Variants in TEK observed in about 807,000 individuals in gnomAD.
TEK encodes angiopoietin-1 receptor.
In TEK, 43 loss-of-function variants were observed where a neutral mutation model predicts 131.8. That is an observed-to-expected ratio of 0.33 (90% CI 0.26 to 0.42). The LOEUF is 0.42. Ranked by LOEUF, TEK falls within the 10% of genes least tolerant of loss-of-function variation. TEK has a pLI of 1.00. For missense variants in TEK, 1,162 were observed against 1,384.4 expected (o/e 0.84, Z 2.55); for synonymous variants, 580 against 491.6 (o/e 1.18, Z -2.38).
chr9:27,186,373 A>G (rs899417724), intron 9 of TEK, among the ~76,000 whole-genome samples: 4 of 152,198 alleles, frequency 2.6e-5, no homozygotes, highest in African/African-American at 9.6e-5. Flanking sequence ...GCTCTCTGGC[A>G]TATATTCTAG....
intron 21 of TEK, 103 bp from the exon 22 acceptor site, chr9:27,228,103 A>G (rs1420992574): frequency 2.2e-6 from 2 of 915,884 alleles, no homozygotes; most frequent in Non-Finnish European, 3.5e-6. Context: ...GTTAAGCTTC[A>G]TAACCATGCA....
chr9:27,212,982 A>G (rs914403465), intron 17 of TEK, 85 bp downstream of exon 17: 3 of 1,418,440 alleles, frequency 2.1e-6, no homozygotes, highest in Non-Finnish European at 2.9e-6. Flanking sequence ...GGGTCTGTCA[A>G]CCTCTCTTCT....
At chr9:27,224,467 A>G (rs1826224585) in intron 21 of TEK, among the ~76,000 whole-genome samples, 1 of 152,208 alleles carries the variant, frequency 6.6e-6, no homozygotes. Flanking sequence ...ATGCAAATCA[A>G]TAAACATAAT....
chr9:27,202,949 A>G lies in TEK; in HGVS notation c.2039A>G (p.Asn680Ser). 1 of 1,614,158 alleles carries G rather than the reference A, an allele frequency of 6.2e-7. No individual in the cohort carries two copies. Among genetic ancestry groups the G allele is most frequent in the South Asian group, 1.1e-5 (1 of 91,078 alleles). Reference protein sequence around the residue: ...ITIRYKVQGKNEDQHVDVKIK... With the variant: ...ITIRYKVQGKSEDQHVDVKIK... ...ATCCGTTACAAGGTTCAAGGCAAGAATGAAGACCAGCACGTTGATGTGAAG... is the reference window on the plus strand; with the variant it reads ...ATCCGTTACAAGGTTCAAGGCAAGAGTGAAGACCAGCACGTTGATGTGAAG... The change falls in exon 13 of 23, where the codon AAT becomes AGT. Residue 680 changes from asparagine (N) to serine (S), a missense_variant. Asn to Ser is a conservative substitution (Grantham distance 46, BLOSUM62 1). Transcript: ENST00000380036.
At chr9:27,175,520 G>A (rs532433023) in intron 6 of TEK, among the ~76,000 whole-genome samples, 93 of 152,234 alleles carry the variant, frequency 6.1e-4, no homozygotes, top group African/African-American at 2.1e-3. Context: ...GGGTGGCTGG[G>A]TAAAATGGTA....
At chr9:27,193,842 T>C (rs1280581332) in intron 11 of TEK, among the ~76,000 whole-genome samples, 3 of 152,178 alleles carry the variant, frequency 2.0e-5, no homozygotes. Context: ...TCTTGCTCTG[T>C]CACTCAAGCT....
In TEK at chr9:27,223,009, T is replaced by G. The variant is rs138938998; in HGVS notation, c.3200+2864T>G. Among the ~76,000 whole-genome samples the G allele has an allele frequency of 7.0e-4, 107 of 151,822 alleles. 1 individual carries two copies. The highest frequency in any genetic ancestry group is 2.4e-3 in the African/African-American group (99 of 41,364). On this transcript the variant is annotated intron_variant, in intron 21 of 22. Coordinates refer to ENST00000380036, the MANE Select transcript of TEK (RefSeq NM_000459.5). Reference sequence around the variant, plus strand: ...ATAAAACAGACTAAACCAACAAAGATCAAAGGAGACAAAGAAGGACATTAC... The same window carrying G: ...ATAAAACAGACTAAACCAACAAAGAGCAAAGGAGACAAAGAAGGACATTAC...
At chr9:27,171,522 G>C (rs1339169360) in intron 4 of TEK, among the ~76,000 whole-genome samples, 1 of 152,164 alleles carries the variant, frequency 6.6e-6, no homozygotes, top group Non-Finnish European at 1.5e-5. Context: ...AGAAGTATGA[G>C]AAGTGTGGTT....
At chr9:27,205,156 A>G (rs1210855935) in intron 14 of TEK, 91 bp downstream of exon 14, 2 of 1,481,832 alleles carry the variant, frequency 1.3e-6, no homozygotes, top group Non-Finnish European at 1.9e-6. Context: ...AAATTTACTT[A>G]TAAAGTAAAT....
chr9:27,229,480 A>G lies in TEK; in HGVS notation c.*248A>G. The G allele has an allele frequency of 1.9e-6, 1 of 526,750 alleles. No homozygotes were observed. The highest frequency in any genetic ancestry group is 3.4e-6 in the Non-Finnish European group (1 of 293,492). The allele number at this position is 526,750 out of a possible 1,614,324, so 32.6% of individuals were successfully genotyped here. On this transcript the variant is annotated 3_prime_UTR_variant, in exon 23 of 23. Coordinates refer to ENST00000380036, the MANE Select transcript of TEK (RefSeq NM_000459.5). ...ATGCCTGTTTGTGGTTTCATATGCA[A>G]TAATATATTTTTTTAAAAATGTGGA... is the stretch of plus-strand genomic sequence containing the variant.
chr9:27,179,203 CTCTT>C (rs1366467026), intron 6 of TEK, among the ~76,000 whole-genome samples: 3 of 152,272 alleles, frequency 2.0e-5, no homozygotes, highest in African/African-American at 7.2e-5. Flanking sequence ...AGTTTATTGA[CTCTT>C]TCTTTTGTTA....
Position 27,173,095 on chromosome 9 carries a change from A to G in TEK, c.761-127A>G, listed in dbSNP as rs1177449708. 4.4e-5 allele frequency: 56 copies of G among 1,283,690 alleles called. No individual in the cohort carries two copies. In the South Asian group the frequency reaches 6.7e-4, roughly 15 times the overall value. 79.5% of individuals were successfully genotyped at this position (1,283,690 alleles called of 1,614,324 possible). A position where few individuals can be genotyped will look rare whatever the true frequency, so the allele number is the denominator to read the frequency against. On this transcript the variant is annotated intron_variant, in intron 5 of 22. Coordinates refer to ENST00000380036, the MANE Select transcript of TEK (RefSeq NM_000459.5). The stretch of plus-strand genomic sequence containing the variant: ...TGGGCCATAAGGGTATGTTCATCCT[A>G]CCATGCCACAGCTGAGATTTGACTG...
At chr9:27,120,448 T>C (rs1190974007) in intron 1 of TEK, among the ~76,000 whole-genome samples, 1 of 152,262 alleles carries the variant, frequency 6.6e-6, no homozygotes, top group African/African-American at 2.4e-5. Flanking sequence ...GGCGAAAACA[T>C]GGCCTGAAGG....
intron 1 of TEK, among the ~76,000 whole-genome samples, chr9:27,137,831 A>G (rs1822541910): frequency 6.6e-6 from 1 of 151,852 alleles, no homozygotes; most frequent in Non-Finnish European, 1.5e-5. Flanking sequence ...TCCTGGTTGT[A>G]TTAGTTCTTT....
intron 15 of TEK, among the ~76,000 whole-genome samples, chr9:27,208,217 T>C (rs1333551333): frequency 6.6e-6 from 1 of 152,188 alleles, no homozygotes; most frequent in Non-Finnish European, 1.5e-5. Context: ...GAGGCTTCTG[T>C]AGTATGAACA....
chr9:27,141,111 T>C (rs1388639295), intron 1 of TEK, among the ~76,000 whole-genome samples: 2 of 152,176 alleles, frequency 1.3e-5, no homozygotes, highest in African/African-American at 4.8e-5. Context: ...AGTATTTGTC[T>C]TTCTATAGGT....
In TEK at chr9:27,158,094, G is replaced by A. The variant is rs760650172; in HGVS notation, c.316G>A (p.Val106Ile). Residue 106 changes from valine (V) to isoleucine (I), a missense_variant, in exon 2 of 23, where the codon GTT becomes ATT. Transcript: ENST00000380036. ...INGAYFCEGR[V>I]RGEAIRIRTM... ...TGGTGCTTATTTCTGTGAAGGGCGA[G>A]TTCGAGGAGAGGCAATCAGGATACG... The A allele has an allele frequency of 1.2e-5, 19 of 1,614,036 alleles. No individual in the cohort carries two copies. In the East Asian group the frequency reaches 1.6e-4, roughly 13 times the overall value.
chr9:27,187,032 G>C (rs1824624091), intron 9 of TEK, among the ~76,000 whole-genome samples: 1 of 152,164 alleles, frequency 6.6e-6, no homozygotes, highest in South Asian at 2.1e-4. Context: ...GTTCTTGGAA[G>C]AAAGGAAATG....
At chr9:27,148,157 G>A (rs7871110) in intron 1 of TEK, among the ~76,000 whole-genome samples, 14,932 of 152,208 alleles carry the variant, frequency 0.098, 1,120 homozygotes, top group African/African-American at 0.21. Flanking sequence ...TTGCGAGCAC[G>A]TCCTGTAAAC....
Sources: gnomAD v4.1 joint callset for allele counts (sites outside exome capture counted in the v4.1 genomes callset) on GRCh38, gnomAD v4.1.1 for gene constraint, MANE v1.5 for transcripts, NCBI Gene and HGNC (gene_info 2026-07-23, HGNC 2026-07-21) for gene names.